CCSER1: variants seen among roughly 807,000 people sequenced by gnomAD.
CCSER1 encodes serine-rich coiled-coil domain-containing protein 1.
A neutral mutation model predicts 82.0 loss-of-function variants in CCSER1; 41 were observed. That is an observed-to-expected ratio of 0.50 (90% CI 0.39 to 0.65). The LOEUF is 0.65. CCSER1 is among the 30% of genes least tolerant of loss of function. The pLI is 0.00. For synonymous variants in CCSER1, 414 were observed against 383.9 expected, an observed-to-expected ratio of 1.08 and a Z score of -0.92; for missense variants, 1,119 against 1,064.2, an observed-to-expected ratio of 1.05 and a Z score of -0.72.
intron 5 of CCSER1, among the ~76,000 whole-genome samples, chr4:90,616,233 G>A (rs559213707): frequency 1.3e-4 from 20 of 152,164 alleles, no homozygotes; most frequent in African/African-American, 4.1e-4. Context: ...TATTGCAGTG[G>A]CATGGAACCT....
At chr4:90,489,556 A>C (rs956891241) in intron 5 of CCSER1, among the ~76,000 whole-genome samples, 8 of 152,288 alleles carry the variant, frequency 5.3e-5, no homozygotes, top group African/African-American at 1.9e-4. Flanking sequence ...GTGCTAGGGT[A>C]CATGTGCACA....
intron 5 of CCSER1, among the ~76,000 whole-genome samples, chr4:90,556,195 A>G (rs1317668120): frequency 6.6e-6 from 1 of 152,170 alleles, no homozygotes; most frequent in African/African-American, 2.4e-5. Flanking sequence ...CCAAAAACTC[A>G]TACTGGGAAA....
chr4:91,032,022 A>G (rs76252563), intron 9 of CCSER1, among the ~76,000 whole-genome samples: 2,717 of 152,172 alleles, frequency 0.018, 81 homozygotes, highest in African/African-American at 0.062. Flanking sequence ...TGTCACTTCA[A>G]CCAGCTCTGA....
intron 6 of CCSER1, among the ~76,000 whole-genome samples, chr4:90,648,288 A>AGAAAGAAAGAAAGAAAGAAAG (rs1728024211): frequency 2.1e-5 from 2 of 96,386 alleles, no homozygotes; most frequent in South Asian, 3.7e-4. Flanking sequence ...AAGAAAGGAA[A>AGAAAGAAAGAAAGAAAGAAAG]GAAAGAAAGA....
At chr4:90,297,296 T>C (rs1217554486) in intron 1 of CCSER1, among the ~76,000 whole-genome samples, 2 of 148,578 alleles carry the variant, frequency 1.3e-5, no homozygotes, top group Non-Finnish European at 3.0e-5. Context: ...TCTCTGTTTG[T>C]CTGTTATTGG....
At chr4:91,238,959 G>C (rs552211039) in intron 10 of CCSER1, among the ~76,000 whole-genome samples, 26 of 152,022 alleles carry the variant, frequency 1.7e-4, no homozygotes, top group Non-Finnish European at 3.1e-4. Flanking sequence ...AAGTAGCTGG[G>C]ACTACAGGTG....
intron 10 of CCSER1, among the ~76,000 whole-genome samples, chr4:91,444,093 A>T (rs1287357087): frequency 6.6e-6 from 1 of 152,122 alleles, no homozygotes; most frequent in Non-Finnish European, 1.5e-5. Context: ...AATACACAGG[A>T]ATATTATTTA....
intron 3 of CCSER1, among the ~76,000 whole-genome samples, chr4:90,340,610 T>C (rs1741211580): frequency 6.6e-6 from 1 of 152,186 alleles, no homozygotes; most frequent in Non-Finnish European, 1.5e-5. Flanking sequence ...GCATATTGCA[T>C]AATTTGTAAT....
intron 10 of CCSER1, among the ~76,000 whole-genome samples, chr4:91,203,949 T>G (rs1736135842): frequency 6.6e-6 from 1 of 151,918 alleles, no homozygotes; most frequent in Non-Finnish European, 1.5e-5. Context: ...GTTTGATAAC[T>G]TTAAACTGCA....
chr4:90,397,519 A>G (rs757618714), intron 3 of CCSER1, among the ~76,000 whole-genome samples: 4 of 152,236 alleles, frequency 2.6e-5, no homozygotes, highest in Admixed American at 1.3e-4. Flanking sequence ...CAGGAACAAC[A>G]TGACCTACCT....
intron 5 of CCSER1, among the ~76,000 whole-genome samples, chr4:90,598,804 C>G (rs781760835): frequency 1.3e-5 from 2 of 151,926 alleles, no homozygotes; most frequent in Non-Finnish European, 2.9e-5. Context: ...AGTCAGGGGA[C>G]AGGGTAGACA....
At chr4:90,857,965 T>C (rs968167148) in intron 8 of CCSER1, among the ~76,000 whole-genome samples, 1 of 152,142 alleles carries the variant, frequency 6.6e-6, no homozygotes, top group Non-Finnish European at 1.5e-5. Flanking sequence ...ACCACTTTAC[T>C]ATATCTACAT....
chr4:90,752,087 T>C (rs1485582401), intron 7 of CCSER1, among the ~76,000 whole-genome samples: 1 of 152,118 alleles, frequency 6.6e-6, no homozygotes, highest in African/African-American at 2.4e-5. Flanking sequence ...GCACTTCCAA[T>C]GCGCTAGACA....
intron 10 of CCSER1, among the ~76,000 whole-genome samples, chr4:91,279,433 TTTTTA>T (rs1019030743): frequency 6.6e-6 from 1 of 152,096 alleles, no homozygotes; most frequent in African/African-American, 2.4e-5. Context: ...TGTTCATTTA[TTTTTA>T]TTTTTTTTCC....
At chr4:90,462,954 AT>A (rs1484594861) in intron 4 of CCSER1, among the ~76,000 whole-genome samples, 16 of 152,322 alleles carry the variant, frequency 1.1e-4, no homozygotes, top group African/African-American at 3.4e-4. Context: ...CAATAGACTT[AT>A]AACCATTGTT....
At chr4:91,166,124 C>T (rs1161656145) in intron 10 of CCSER1, among the ~76,000 whole-genome samples, 1 of 152,156 alleles carries the variant, frequency 6.6e-6, no homozygotes, top group African/African-American at 2.4e-5. Context: ...TTATGAGTTA[C>T]ATCAGATACA....
intron 9 of CCSER1, among the ~76,000 whole-genome samples, chr4:91,066,981 C>T (rs1720886380): frequency 6.6e-6 from 1 of 151,922 alleles, no homozygotes; most frequent in Admixed American, 6.6e-5. Context: ...CTGGCTAACA[C>T]GGTGAAACCC....
chr4:90,932,968 A>AAG lies in CCSER1; in HGVS notation c.2172+9523_2172+9524dup, dbSNP rs1388956096. 9.1e-5 allele frequency among the ~76,000 whole-genome samples: 4 copies of AAG among 44,140 alleles called. No individual in the cohort carries two copies. The East Asian group carries it at 1.5e-3, about 16-fold the overall frequency. 29.0% of individuals were successfully genotyped at this position (44,140 alleles called of 152,430 possible). A position where few individuals can be genotyped will look rare whatever the true frequency, so the allele number is the denominator to read the frequency against. On this transcript the variant is annotated intron_variant, in intron 9 of 10. Transcript: ENST00000509176. ...AAAGAAAGAAAGAAAGAAAGAAAGA[A>AAG]AGAAAGAAAGAAAGAGAAAGAAAGA...
chr4:91,045,073 C>T (rs35442682), intron 9 of CCSER1, among the ~76,000 whole-genome samples: 56,185 of 151,866 alleles, frequency 0.37, 11,645 homozygotes, highest in East Asian at 0.64. Flanking sequence ...GTATCTTATA[C>T]ATATAAACCT....
Sources: gnomAD v4.1 joint callset for allele counts (sites outside exome capture counted in the v4.1 genomes callset) on GRCh38, gnomAD v4.1.1 for gene constraint, MANE v1.5 for transcripts, NCBI Gene and HGNC (gene_info 2026-07-23, HGNC 2026-07-21) for gene names.